ZDHHC21: variants seen among roughly 807,000 people sequenced by gnomAD.
ZDHHC21 encodes palmitoyltransferase ZDHHC21.
ZDHHC21 carries 15 observed loss-of-function variants against 34.6 expected under a neutral mutation model. The ratio of observed to expected loss-of-function variants is 0.43; its 90% confidence interval spans 0.29 to 0.67. ZDHHC21 has a LOEUF of 0.67. Among genes scored for constraint, ZDHHC21 ranks in the 30% least tolerant of loss-of-function variants. The pLI is 0.14. For missense variants in ZDHHC21, 344 were observed against 327.7 expected, an observed-to-expected ratio of 1.05 and a Z score of -0.38; for synonymous variants, 142 against 101.8, an observed-to-expected ratio of 1.40 and a Z score of -2.38.
chr9:14,598,973 G>A, the ZDHHC21 span, among the ~76,000 whole-genome samples: 3 of 152,158 alleles, frequency 2.0e-5, no homozygotes, highest in Admixed American at 1.3e-4. Flanking sequence ...ATGTCACCCA[G>A]GATGGTCTCG....
chr9:14,691,990 A>T (rs1839224926), intron 1 of ZDHHC21, among the ~76,000 whole-genome samples: 1 of 152,154 alleles, frequency 6.6e-6, no homozygotes, highest in Non-Finnish European at 1.5e-5. Flanking sequence ...CTACCTGTAA[A>T]CCCACAGCTG....
intron 6 of ZDHHC21, among the ~76,000 whole-genome samples, chr9:14,661,369 T>A (rs1286547944): frequency 2.0e-5 from 3 of 152,172 alleles, no homozygotes; most frequent in African/African-American, 7.2e-5. Context: ...TAAAAGCAAT[T>A]ATAAATTAAG....
chr9:14,665,379 ACC>A (rs1834230450), intron 5 of ZDHHC21, among the ~76,000 whole-genome samples: 2 of 141,190 alleles, frequency 1.4e-5, no homozygotes, highest in Non-Finnish European at 3.1e-5. Context: ...TGATTGGTGT[ACC>A]TGAAAGTGAT....
chr9:14,689,799 A>G (rs1838905683), intron 2 of ZDHHC21, among the ~76,000 whole-genome samples: 1 of 152,116 alleles, frequency 6.6e-6, no homozygotes, highest in Non-Finnish European at 1.5e-5. Context: ...GGGTCTCACT[A>G]TGTTGTCCAG....
At chr9:14,663,458 C>T (rs1587277159) in intron 5 of ZDHHC21, among the ~76,000 whole-genome samples, 1 of 143,990 alleles carries the variant, frequency 6.9e-6, no homozygotes, top group African/African-American at 2.5e-5. Flanking sequence ...TAATAGTAGA[C>T]AATATTCAAT....
the ZDHHC21 span, among the ~76,000 whole-genome samples, chr9:14,603,205 TAA>T: frequency 1.1e-3 from 168 of 152,202 alleles, 3 homozygotes; most frequent in African/African-American, 3.9e-3. Flanking sequence ...TATCCCTCAA[TAA>T]AGTGAACTTT....
At chr9:14,630,651 T>C (rs1250128866) in intron 8 of ZDHHC21, among the ~76,000 whole-genome samples, 3 of 152,186 alleles carry the variant, frequency 2.0e-5, no homozygotes, top group Non-Finnish European at 4.4e-5. Context: ...GCCCATGAAA[T>C]GTATTTCTTA....
rs1051300377 is a variant in ZDHHC21, at chr9:14,614,197, A to G, written c.*4769T>C. 10 of 151,748 alleles carry G rather than the reference A, an allele frequency of 6.6e-5. No individual in the cohort carries two copies. The highest frequency in any genetic ancestry group is 1.9e-4 in the African/African-American group (8 of 41,406). 9.4% of individuals were successfully genotyped at this position (151,748 alleles called of 1,614,324 possible). A position where few individuals can be genotyped will look rare whatever the true frequency, so the allele number is the denominator to read the frequency against. On this transcript the variant is annotated 3_prime_UTR_variant, in exon 10 of 10. Transcript: ENST00000380916. ...TCTCTCCATCTTAGTAAGTTTGTGG[A>G]TACTCACTACTCATTTGTACCTATT...
the ZDHHC21 span, among the ~76,000 whole-genome samples, chr9:14,596,581 T>G: frequency 5.9e-5 from 9 of 152,324 alleles, no homozygotes; most frequent in East Asian, 1.7e-3. Flanking sequence ...TGGTCCTCCC[T>G]GCAGAGAAAA....
chr9:14,658,145 A>C (rs1442885977), intron 7 of ZDHHC21, among the ~76,000 whole-genome samples: 1 of 152,212 alleles, frequency 6.6e-6, no homozygotes, highest in East Asian at 1.9e-4. Context: ...CCTGAAAAGA[A>C]ACAAGAACAT....
In ZDHHC21 at chr9:14,618,894, T is replaced by C. The variant is rs935503918; in HGVS notation, c.*72A>G. 58 of 1,450,198 alleles carry C rather than the reference T, an allele frequency of 4.0e-5. No individual in the cohort carries two copies. Among genetic ancestry groups the C allele is most frequent in the Non-Finnish European group, 4.9e-5 (54 of 1,090,988 alleles). The allele number at this position is 1,450,198 out of a possible 1,614,324, so 89.8% of individuals were successfully genotyped here. On this transcript the variant is annotated 3_prime_UTR_variant, in exon 10 of 10. Transcript: ENST00000380916. Reference sequence around the variant, plus strand: ...ATTTTAATTGACTTGAAGACTGTCATAGTTCTATTATCATAAAACCTGTAA... The same window carrying C: ...ATTTTAATTGACTTGAAGACTGTCACAGTTCTATTATCATAAAACCTGTAA...
At chr9:14,643,340 T>C (rs1829737005) in intron 7 of ZDHHC21, among the ~76,000 whole-genome samples, 2 of 152,162 alleles carry the variant, frequency 1.3e-5, no homozygotes, top group Admixed American at 1.3e-4. Flanking sequence ...CTCCTGTGTA[T>C]TCCTTCCCCA....
chr9:14,678,058 C>G (rs1256612646), intron 3 of ZDHHC21, among the ~76,000 whole-genome samples: 1 of 152,054 alleles, frequency 6.6e-6, no homozygotes, highest in African/African-American at 2.4e-5. Flanking sequence ...CCATCCATGC[C>G]TCCTGTCTGA....
chr9:14,611,861 T>A lies in ZDHHC21; in HGVS notation c.*7105A>T, dbSNP rs1277965921. 6.6e-6 allele frequency: 1 copy of A among 152,088 alleles called. No individual in the cohort carries two copies. Among genetic ancestry groups the A allele is most frequent in the African/African-American group, 2.4e-5 (1 of 41,450 alleles). The allele number at this position is 152,088 out of a possible 1,614,324, so 9.4% of individuals were successfully genotyped here. ...ATTCTGGTGGAAGTTTTTACTTTTG[T>A]ATCATTTAGTTGCTTTATTCTTACA... On this transcript the variant is annotated 3_prime_UTR_variant, in exon 10 of 10. Transcript: ENST00000380916.
the ZDHHC21 span, among the ~76,000 whole-genome samples, chr9:14,603,694 A>G: frequency 6.6e-6 from 1 of 152,194 alleles, no homozygotes; most frequent in African/African-American, 2.4e-5. Flanking sequence ...TCAACAGGCA[A>G]TACTTATTTT....
chr9:14,683,039 T>C lies in ZDHHC21; in HGVS notation c.-175-2877A>G, dbSNP rs561077700. 5.9e-5 allele frequency among the ~76,000 whole-genome samples: 9 copies of C among 152,316 alleles called. No homozygotes were observed. The South Asian group carries it at 1.9e-3, about 32-fold the overall frequency. On this transcript the variant is annotated intron_variant, in intron 2 of 9. Coordinates refer to ENST00000380916, the MANE Select transcript of ZDHHC21 (RefSeq NM_178566.6). Reference sequence around the variant, plus strand: ...TCTCTGGGACACATTCAAACCAGTGTGTAGAGCGAAATTTATAGCACTAAA... The same window carrying C: ...TCTCTGGGACACATTCAAACCAGTGCGTAGAGCGAAATTTATAGCACTAAA...
At chr9:14,608,571 G>T (rs1225771005), downstream of ZDHHC21, among the ~76,000 whole-genome samples, 1 of 151,908 alleles carries the variant, frequency 6.6e-6, no homozygotes, top group Non-Finnish European at 1.5e-5. Flanking sequence ...TTGGAGAAGG[G>T]GCCTAATTTG....
intron 8 of ZDHHC21, among the ~76,000 whole-genome samples, chr9:14,622,240 A>T (rs1458284204): frequency 6.6e-6 from 1 of 152,132 alleles, no homozygotes; most frequent in Admixed American, 6.6e-5. Flanking sequence ...CTTAAAAATA[A>T]TGAACTAGAA....
chr9:14,664,373 C>T (rs1460152651), intron 5 of ZDHHC21, among the ~76,000 whole-genome samples: 3 of 151,376 alleles, frequency 2.0e-5, no homozygotes, highest in Non-Finnish European at 4.4e-5. Context: ...CACGGAGTCT[C>T]GCTGATTGCT....
Sources: gnomAD v4.1 joint callset for allele counts (sites outside exome capture counted in the v4.1 genomes callset) on GRCh38, gnomAD v4.1.1 for gene constraint, MANE v1.5 for transcripts, NCBI Gene and HGNC (gene_info 2026-07-23, HGNC 2026-07-21) for gene names.